ABHD12: variants seen among roughly 807,000 people sequenced by gnomAD.
ABHD12 encodes the protein lysophosphatidylserine lipase ABHD12.
Under a neutral mutation model 58.3 loss-of-function variants are expected in ABHD12, and 43 were observed. The observed-to-expected ratio is 0.74, with a 90% confidence interval of 0.58 to 0.95. The LOEUF is 0.95. Ranked by LOEUF, ABHD12 falls within the 40% of genes least tolerant of loss-of-function variation. ABHD12 has a pLI of 0.00. For missense variants in ABHD12, 539 were observed against 537.2 expected, an observed-to-expected ratio of 1.00 and a Z score of -0.03; for synonymous variants, 219 against 211.2, an observed-to-expected ratio of 1.04 and a Z score of -0.32.
chr20:25,327,528 G>A (rs1375725534), intron 2 of ABHD12, among the ~76,000 whole-genome samples: 5 of 151,866 alleles, frequency 3.3e-5, no homozygotes, highest in Non-Finnish European at 7.4e-5. Context: ...AACTGAGACA[G>A]TGAAAGAGAT....
chr20:25,358,771 A>G (rs2089701616), intron 1 of ABHD12, among the ~76,000 whole-genome samples: 1 of 152,190 alleles, frequency 6.6e-6, no homozygotes, highest in African/African-American at 2.4e-5. Context: ...AACACCTTTC[A>G]GGGTCAGACA....
At chr20:25,375,341 T>C (rs117357168) in intron 1 of ABHD12, among the ~76,000 whole-genome samples, 32 of 152,364 alleles carry the variant, frequency 2.1e-4, no homozygotes, top group Non-Finnish European at 4.1e-4. Context: ...TGTTCCTGAA[T>C]GTTCTACCAG....
chr20:25,315,857 C>T (rs1160993696), intron 5 of ABHD12, among the ~76,000 whole-genome samples: 1 of 152,228 alleles, frequency 6.6e-6, no homozygotes, highest in Non-Finnish European at 1.5e-5. Context: ...CTGCCTCTGT[C>T]TGTGTTCCCT....
intron 1 of ABHD12, among the ~76,000 whole-genome samples, chr20:25,362,964 T>C (rs1460185107): frequency 6.6e-6 from 1 of 151,218 alleles, no homozygotes; most frequent in Non-Finnish European, 1.5e-5. Context: ...TGAACCACTG[T>C]GCCCAGCCTT....
chr20:25,330,393 G>A (rs1052297331), intron 2 of ABHD12, among the ~76,000 whole-genome samples: 7 of 152,014 alleles, frequency 4.6e-5, no homozygotes, highest in East Asian at 1.9e-4. Context: ...GGGGAGGGGC[G>A]CCCGCCATTG....
chr20:25,339,873 C>G, intron 1 of ABHD12: 1 of 837,064 alleles, frequency 1.2e-6, no homozygotes, highest in Non-Finnish European at 1.6e-6. Flanking sequence ...CACGGTGTGT[C>G]CTTGCATTTA....
chr20:25,383,041 T>C (rs559555206), intron 1 of ABHD12, among the ~76,000 whole-genome samples: 5 of 152,044 alleles, frequency 3.3e-5, no homozygotes, highest in Non-Finnish European at 1.5e-5. Flanking sequence ...AAAAAGGAGA[T>C]GGATGAAGCA....
chr20:25,295,616 T>G (rs745625366), downstream of ABHD12: 1 of 1,613,982 alleles, frequency 6.2e-7, no homozygotes, highest in Non-Finnish European at 8.5e-7. Flanking sequence ...TCAAGGTGTT[T>G]GCAGACTATG....
chr20:25,327,382 G>C (rs765276350), intron 2 of ABHD12, among the ~76,000 whole-genome samples: 1 of 151,778 alleles, frequency 6.6e-6, no homozygotes, highest in Non-Finnish European at 1.5e-5. Flanking sequence ...CAAGAGAATT[G>C]CTTGAACCCG....
Position 25,300,557 on chromosome 20 carries a change from G to C in ABHD12, c.*288C>G. 1.4e-6 allele frequency: 2 copies of C among 1,399,212 alleles called. No individual in the cohort carries two copies. The highest frequency in any genetic ancestry group is 1.9e-6 in the Non-Finnish European group (2 of 1,077,672). 86.7% of individuals were successfully genotyped at this position (1,399,212 alleles called of 1,614,324 possible). ...CTCAGTGCAGCATCAAGCAGGCAGT[G>C]ATGGCTGCCTGCTGCCATTAAGTCT... On this transcript the variant is annotated 3_prime_UTR_variant, in exon 13 of 13. Transcript: ENST00000339157.
At chr20:25,372,160 C>T (rs2089907057) in intron 1 of ABHD12, among the ~76,000 whole-genome samples, 1 of 152,018 alleles carries the variant, frequency 6.6e-6, no homozygotes, top group Admixed American at 6.6e-5. Context: ...AGCCAGCACA[C>T]CTGGGTGTTA....
chr20:25,320,221 G>C lies in ABHD12; in HGVS notation c.520C>G (p.Leu174Val). ...CACCTGGTACCTGCGTTCCCATGCAGGTACAGAATGATAGGGTGGCTGGAA... is the reference window on the plus strand; with the variant it reads ...CACCTGGTACCTGCGTTCCCATGCACGTACAGAATGATAGGGTGGCTGGAA... ...LASSHPIILYLHGNAGTRGGD... is the reference protein window; with the variant it reads ...LASSHPIILYVHGNAGTRGGD... Residue 174 changes from leucine to valine, a missense_variant, in exon 4 of 13, where the codon CTG (leucine) becomes GTG (valine). Transcript: ENST00000339157. 1 of 1,614,104 alleles carries C rather than the reference G, an allele frequency of 6.2e-7. No individual in the cohort carries two copies.
chr20:25,367,774 T>A (rs972327367), intron 1 of ABHD12, among the ~76,000 whole-genome samples: 1 of 152,244 alleles, frequency 6.6e-6, no homozygotes, highest in Non-Finnish European at 1.5e-5. Context: ...ATATACCACA[T>A]TTTGCTTATC....
chr20:25,339,108 C>CA, intron 2 of ABHD12, 119 bp downstream of exon 2: 2 of 1,485,154 alleles, frequency 1.3e-6, no homozygotes, highest in Non-Finnish European at 1.8e-6. Context: ...AGATATGTAC[C>CA]CTTCACTGTA....
intron 2 of ABHD12, among the ~76,000 whole-genome samples, chr20:25,338,233 T>G (rs983062658): frequency 6.6e-6 from 1 of 151,958 alleles, no homozygotes; most frequent in Non-Finnish European, 1.5e-5. Context: ...CTCCTCCCAC[T>G]CCACCAGCTT....
In ABHD12 at chr20:25,302,288, G is replaced by A. The variant is rs772002701; in HGVS notation, c.1088C>T (p.Pro363Leu). 1.2e-6 allele frequency: 2 copies of A among 1,613,886 alleles called. No individual in the cohort carries two copies. The highest frequency in any genetic ancestry group is 1.7e-6 in the Non-Finnish European group (2 of 1,180,014). Residue 363 changes from proline (P) to leucine (L), a missense_variant, in exon 12 of 13, where the codon CCC becomes CTC. By Grantham distance (98) the Pro-to-Leu change is moderately conservative. Coordinates refer to ENST00000339157, the MANE Select transcript of ABHD12 (RefSeq NM_001042472.3). The part of the protein sequence containing the change: ...SFRDFKVQFV[P>L]FHSDLGYRHK... ...CCTGTAGCCAAGGTCTGAATGAAAG[G>A]GCACAAACTGAACTTTGAAATCTCG...
intron 1 of ABHD12, among the ~76,000 whole-genome samples, chr20:25,388,175 T>C (rs1316705676): frequency 2.0e-5 from 3 of 151,238 alleles, no homozygotes; most frequent in Non-Finnish European, 4.4e-5. Context: ...GATTGTCTTC[T>C]CTACTTCCAC....
At chr20:25,378,334 C>A (rs1479763247) in intron 1 of ABHD12, among the ~76,000 whole-genome samples, 1 of 152,130 alleles carries the variant, frequency 6.6e-6, no homozygotes, top group Non-Finnish European at 1.5e-5. Context: ...CTCCTTGTAT[C>A]CCCAGGGCCT....
At chr20:25,377,257 A>G (rs1202420197) in intron 1 of ABHD12, among the ~76,000 whole-genome samples, 2 of 152,194 alleles carry the variant, frequency 1.3e-5, no homozygotes, top group Non-Finnish European at 1.5e-5. Flanking sequence ...CTGTGTCCCC[A>G]AACTGAGAAT....
Sources: allele counts gnomAD v4.1 joint callset (sites outside exome capture counted in the v4.1 genomes callset), GRCh38; gene constraint gnomAD v4.1.1; transcripts MANE v1.5; gene names NCBI Gene and HGNC (gene_info 2026-07-23, HGNC 2026-07-21).